The following LSM12 variants were observed in gnomAD, a reference collection of about 807,000 sequenced individuals.
LSM12 encodes the protein LSM12 homolog.
For missense variants in LSM12, 108 were observed against 238.9 expected, an observed-to-expected ratio of 0.45 and a Z score of 3.61; for synonymous variants, 74 against 87.3, an observed-to-expected ratio of 0.85 and a Z score of 0.85.
rs1368344715 is a variant in LSM12 at position 44,063,919 on chromosome 17, C to T, written c.140G>A (p.Ser47Asn). Residue 47 changes from serine (S) to asparagine (N), a missense_variant, in exon 2 of 5, where the codon AGT (serine) becomes AAT (asparagine). Physicochemically the swap from Ser to Asn is conservative, Grantham distance 46 (BLOSUM62 1). Transcript: ENST00000293406. The stretch of plus-strand genomic sequence containing the variant: ...GATGTCTGCATGGTTGGGCTTTCCA[C>T]TGGAAGAGGGACATTCTGGTGAGAA... ...KMLALKCPSS[S>N]GKPNHADILL... is the part of the protein sequence containing the mutation. The T allele has an allele frequency of 1.9e-6, 3 of 1,612,788 alleles. No individual in the cohort carries two copies. In the South Asian group the frequency reaches 3.3e-5, roughly 18 times the overall value.
intron 1 of LSM12, 46 bp from the exon 2 acceptor site, chr17:44,063,980 C>T (rs553585646): frequency 6.3e-7 from 1 of 1,598,260 alleles, no homozygotes; most frequent in African/African-American, 1.3e-5. Context: ...CAAGCAGAGG[C>T]ACTGACACAT....
chr17:44,043,397 A>C (rs760328727), intron 2 of LSM12, among the ~76,000 whole-genome samples: 1 of 152,206 alleles, frequency 6.6e-6, no homozygotes, highest in Non-Finnish European at 1.5e-5. Context: ...ATAAACACAC[A>C]GGCTGACAGC....
intron 2 of LSM12, among the ~76,000 whole-genome samples, chr17:44,040,722 C>T (rs1317833586): frequency 3.3e-5 from 5 of 151,876 alleles, no homozygotes; most frequent in Admixed American, 3.3e-4. Flanking sequence ...TGCCTGTAAT[C>T]CCAGCACTTT....
At chr17:44,047,182 A>C (rs2049580377) in intron 2 of LSM12, among the ~76,000 whole-genome samples, 1 of 152,118 alleles carries the variant, frequency 6.6e-6, no homozygotes, top group African/African-American at 2.4e-5. Flanking sequence ...CAAGCATCTT[A>C]TGTGCTTATT....
intron 2 of LSM12, 112 bp downstream of exon 2, chr17:44,063,689 A>G: frequency 8.0e-7 from 1 of 1,242,556 alleles, no homozygotes; most frequent in Non-Finnish European, 1.1e-6. Context: ...AGAACAAACA[A>G]TTTTAAGTCA....
At chr17:44,041,334 A>ACAAACAC (rs2049491143) in intron 2 of LSM12, among the ~76,000 whole-genome samples, 5 of 104,534 alleles carry the variant, frequency 4.8e-5, no homozygotes, top group African/African-American at 1.5e-4. Flanking sequence ...CACACACACA[A>ACAAACAC]ACACACACAC....
intron 4 of LSM12, 140 bp downstream of exon 4, chr17:44,037,272 G>C: frequency 2.9e-6 from 3 of 1,040,532 alleles, no homozygotes; most frequent in African/African-American, 1.6e-5. Context: ...CCACAGTACA[G>C]GGAAGGCAGG....
intron 2 of LSM12, among the ~76,000 whole-genome samples, chr17:44,041,026 C>A (rs1043420265): frequency 1.3e-5 from 2 of 151,376 alleles, no homozygotes; most frequent in Non-Finnish European, 2.9e-5. Context: ...CACATACACA[C>A]ACACACACTT....
In LSM12 at chr17:44,034,699, T is replaced by G. The variant is rs1028199089; in HGVS notation, c.*1509A>C. The G allele has an allele frequency of 2.7e-5, 4 of 149,892 alleles. No individual in the cohort carries two copies. The highest frequency in any genetic ancestry group is 4.4e-5 in the Non-Finnish European group (3 of 67,538). 9.3% of individuals were successfully genotyped at this position (149,892 alleles called of 1,614,324 possible). A position where few individuals can be genotyped will look rare whatever the true frequency, so the allele number is the denominator to read the frequency against. ...ATAATACTAAAAAAAAAATTTCATTTTGAAGGCAGGGCTTGAATTATTTAA... is the reference window on the plus strand; with the variant it reads ...ATAATACTAAAAAAAAAATTTCATTGTGAAGGCAGGGCTTGAATTATTTAA... On this transcript the variant is annotated 3_prime_UTR_variant, in exon 5 of 5. Transcript: ENST00000293406.
rs768294471 is a variant in LSM12 at position 44,043,806 on chromosome 17, T to TAAAAA, written c.259-3555_259-3551dup. On this transcript the variant is annotated intron_variant, in intron 2 of 4. Transcript: ENST00000293406. The stretch of plus-strand genomic sequence containing the variant: ...CAACATAGTGGGACCCTGCCTCTAT[T>TAAAAA]AAAAAAAAAAAAAAAAATCTGAAGT... Among the ~76,000 whole-genome samples the TAAAAA allele has an allele frequency of 2.2e-5, 3 of 135,628 alleles. No individual in the cohort carries two copies. The Admixed American group carries it at 2.3e-4, about 10-fold the overall frequency. 89.0% of individuals were successfully genotyped at this position (135,628 alleles called of 152,430 possible). A position where few individuals can be genotyped will look rare whatever the true frequency, so the allele number is the denominator to read the frequency against.
intron 2 of LSM12, among the ~76,000 whole-genome samples, chr17:44,062,286 TA>T (rs35714664): frequency 0.17 from 25,846 of 150,296 alleles, 3,439 homozygotes; most frequent in East Asian, 0.73. Context: ...TGTCCCTGTG[TA>T]AAATAAAAGC....
chr17:44,062,853 T>C (rs1376761355), intron 2 of LSM12, among the ~76,000 whole-genome samples: 13 of 151,158 alleles, frequency 8.6e-5, no homozygotes, highest in Admixed American at 8.6e-4. Context: ...TGAAACCCCG[T>C]CTCTACTAAA....
intron 2 of LSM12, among the ~76,000 whole-genome samples, chr17:44,046,638 C>T (rs548925021): frequency 1.1e-3 from 144 of 129,406 alleles, no homozygotes; most frequent in Admixed American, 2.8e-3. Context: ...ACTCAGGAGG[C>T]GGAGCTTGCA....
At chr17:44,042,502 C>T (rs1441414121) in intron 2 of LSM12, among the ~76,000 whole-genome samples, 2 of 151,370 alleles carry the variant, frequency 1.3e-5, no homozygotes, top group African/African-American at 2.4e-5. Context: ...TGGGTTCAAG[C>T]GATTCTCCTG....
In LSM12 at chr17:44,050,810, C is replaced by T. The variant is rs1212436774; in HGVS notation, c.259-10554G>A. 4.6e-5 allele frequency among the ~76,000 whole-genome samples: 7 copies of T among 152,242 alleles called. No homozygotes were observed. In the South Asian group the frequency reaches 8.3e-4, roughly 18 times the overall value. ...TGCTGGAATTACAGGCATGAGCCAC[C>T]GCGCCCAGTGTGCCTGAACATTTCT... On this transcript the variant is annotated intron_variant, in intron 2 of 4. Transcript: ENST00000293406.
intron 2 of LSM12, among the ~76,000 whole-genome samples, chr17:44,041,008 A>C (rs1057339561): frequency 7.3e-5 from 11 of 150,268 alleles, no homozygotes; most frequent in African/African-American, 2.5e-4. Context: ...AACAAAAAAA[A>C]ATACATACAC....
chr17:44,046,314 T>C (rs924174185), intron 2 of LSM12, among the ~76,000 whole-genome samples: 2 of 152,218 alleles, frequency 1.3e-5, no homozygotes, highest in African/African-American at 4.8e-5. Context: ...TTTTTACTTT[T>C]GTTAGGTAGA....
At position 44,041,286 on chromosome 17, in the gene LSM12, A is replaced by ACAAACAC. The variant is rs1555623711; in HGVS notation, c.259-1031_259-1030insGTGTTTG. On this transcript the variant is annotated intron_variant, in intron 2 of 4. Transcript: ENST00000293406. Reference sequence around the variant, plus strand: ...ACTCTGTCTCTTTAAAAAAAAAAAAAACAAACACACACACACACACACACA... The same window carrying ACAAACAC: ...ACTCTGTCTCTTTAAAAAAAAAAAAACAAACACACAAACACACACACACACACACACA... Among the ~76,000 whole-genome samples the ACAAACAC allele has an allele frequency of 4.8e-3, 547 of 113,506 alleles. 5 individuals carry two copies. The highest frequency in any genetic ancestry group is 7.0e-3 in the Non-Finnish European group (409 of 58,472). The allele number at this position is 113,506 out of a possible 152,430, so 74.5% of individuals were successfully genotyped here. A position where few individuals can be genotyped will look rare whatever the true frequency, so the allele number is the denominator to read the frequency against.
intron 2 of LSM12, among the ~76,000 whole-genome samples, chr17:44,041,951 C>T (rs745901606): frequency 8.5e-5 from 13 of 152,170 alleles, no homozygotes; most frequent in East Asian, 1.9e-4. Context: ...CAAACACGCG[C>T]GAGAACACAC....
Sources: gnomAD v4.1 joint callset for allele counts (sites outside exome capture counted in the v4.1 genomes callset) on GRCh38, gnomAD v4.1.1 for gene constraint, MANE v1.5 for transcripts, NCBI Gene and HGNC (gene_info 2026-07-23, HGNC 2026-07-21) for gene names.